Variants in ABCB5 observed in about 807,000 individuals in gnomAD.
ABCB5 encodes the protein ATP-binding cassette sub-family B member 5.
Under a neutral mutation model 144.2 loss-of-function variants are expected in ABCB5, and 155 were observed. The ratio of observed to expected loss-of-function variants is 1.08; its 90% CI spans 0.94 to 1.23. The LOEUF (loss-of-function observed/expected upper bound fraction) is 1.23. ABCB5 is among the 50% of genes most tolerant of loss of function. The probability of loss-of-function intolerance (pLI) is 0.00; values close to 1 mark genes in which losing one functional copy is unlikely to be tolerated. For synonymous variants in ABCB5, 610 were observed against 528.6 expected (o/e 1.15, Z -2.11); for missense variants, 1,830 against 1,520.8 (o/e 1.20, Z -3.38).
intron 4 of ABCB5, among the ~76,000 whole-genome samples, chr7:20,629,210 G>C (rs1783979246): frequency 7.1e-6 from 1 of 140,500 alleles, no homozygotes; most frequent in Non-Finnish European, 1.5e-5. Context: ...TAAAGAATTG[G>C]CTGGCTCACA....
At position 20,658,694 on chromosome 7, in the gene ABCB5, T is replaced by G; in HGVS notation, c.1707+18T>G. On this transcript the variant is annotated intron_variant, in intron 14 of 27. Coordinates refer to ENST00000404938, the MANE Select transcript of ABCB5 (RefSeq NM_001163941.2). ...TGGAGAAGGTAAGTGAGCAGAAACG[T>G]TTCTTATTTCCATACTCCTGGTTCA... 1 of 1,611,746 alleles carries G rather than the reference T, an allele frequency of 6.2e-7. No homozygotes were observed. Among genetic ancestry groups the G allele is most frequent in the Non-Finnish European group, 8.5e-7 (1 of 1,179,174 alleles).
chr7:20,646,078 G>A lies in ABCB5; in HGVS notation c.921G>A (p.Trp307Ter), dbSNP rs2128023773. 6 of 1,613,786 alleles carry A rather than the reference G, an allele frequency of 3.7e-6. No individual in the cohort carries two copies. Among genetic ancestry groups the A allele is most frequent in the Non-Finnish European group, 4.2e-6 (5 of 1,179,768 alleles). Reference protein sequence around the residue: ...FMNGTYGLAFWYGTSLILNGE... With the variant: ...FMNGTYGLAF ...ATGGAACCTATGGACTTGCTTTTTG[G>A]TATGGAACCTCCTTGATTCTTAATG... is the stretch of plus-strand genomic sequence containing the variant. Residue 307 changes from tryptophan (W) to a stop codon, truncating the protein, a stop_gained, in exon 9 of 28, where the codon TGG (tryptophan) becomes TGA (stop). Transcript: ENST00000404938. LOFTEE classifies it high-confidence loss of function.
chr7:20,656,819 A>T (rs1399729307), intron 13 of ABCB5, among the ~76,000 whole-genome samples: 1 of 152,054 alleles, frequency 6.6e-6, no homozygotes, highest in Admixed American at 6.6e-5. Flanking sequence ...TAGCAGCTTT[A>T]TTTATAATAG....
chr7:20,717,217 G>A (rs1026027428), intron 20 of ABCB5, among the ~76,000 whole-genome samples: 1 of 152,156 alleles, frequency 6.6e-6, no homozygotes, highest in African/African-American at 2.4e-5. Flanking sequence ...CAAGGACAGT[G>A]TGTTAGTCAG....
intron 20 of ABCB5, among the ~76,000 whole-genome samples, chr7:20,710,071 AG>A (rs1207479997): frequency 3.4e-5 from 5 of 146,678 alleles, no homozygotes; most frequent in African/African-American, 1.3e-4. Flanking sequence ...AAAAAAAAAA[AG>A]AAAAAAAATA....
chr7:20,716,795 T>A (rs1439421847), intron 20 of ABCB5, among the ~76,000 whole-genome samples: 2 of 152,158 alleles, frequency 1.3e-5, no homozygotes, highest in Non-Finnish European at 2.9e-5. Flanking sequence ...CTGGACAATC[T>A]AGGAGTTCAT....
In ABCB5 at chr7:20,650,096, G is replaced by A. The variant is rs533069931; in HGVS notation, c.1281G>A (p.Lys427=). 3.4e-5 allele frequency: 55 copies of A among 1,613,688 alleles called. No homozygotes were observed. The East Asian group carries it at 1.1e-3, about 32-fold the overall frequency. The part of the protein sequence containing the change: ...VALVGLNGSG[K]STVVQLLQRL... ...TGGTCGGTCTCAATGGCAGTGGGAA[G>A]AGTACGGTAGTCCAGCTTCTGCAGA... The change falls in exon 12 of 28, where the codon AAG becomes AAA. Residue 427 remains lysine, a synonymous_variant. Transcript: ENST00000404938.
At chr7:20,664,932 T>C (rs989724909) in intron 14 of ABCB5, among the ~76,000 whole-genome samples, 2 of 152,220 alleles carry the variant, frequency 1.3e-5, no homozygotes, top group Non-Finnish European at 2.9e-5. Context: ...GTAAATAAAA[T>C]AATAAAATGA....
chr7:20,666,862 A>C (rs367615581), intron 14 of ABCB5: 7 of 1,388,160 alleles, frequency 5.0e-6, no homozygotes, highest in African/African-American at 4.4e-5. Flanking sequence ...TAATCTTTAC[A>C]CTAATTCTGG....
intron 20 of ABCB5, among the ~76,000 whole-genome samples, chr7:20,714,055 T>C (rs1285256364): frequency 6.6e-6 from 1 of 152,196 alleles, no homozygotes; most frequent in East Asian, 1.9e-4. Flanking sequence ...GTTTGCCACC[T>C]CTGCCCGTGG....
At chr7:20,730,937 T>G (rs1782188759) in intron 23 of ABCB5, among the ~76,000 whole-genome samples, 1 of 152,276 alleles carries the variant, frequency 6.6e-6, no homozygotes, top group Non-Finnish European at 1.5e-5. Flanking sequence ...GCAAGCCAAT[T>G]AAACATATTC....
chr7:20,639,920 G>A (rs1038025457), intron 5 of ABCB5, among the ~76,000 whole-genome samples: 15 of 152,094 alleles, frequency 9.9e-5, no homozygotes, highest in Admixed American at 1.3e-4. Context: ...GGATTGCATT[G>A]AATCTATAGA....
rs371459532 is a variant in ABCB5 at position 20,728,389 on chromosome 7, C to T, written c.2801C>T (p.Ala934Val). Residue 934 changes from alanine (A) to valine (V), a missense_variant, in exon 23 of 28, where the codon GCG becomes GTG. Transcript: ENST00000404938. The stretch of plus-strand genomic sequence containing the variant: ...CATGCCTTTATATATTTTGCCTATG[C>T]GGCAGGGTTTCGATTTGGAGCCTAT... ...FSHAFIYFAY[A>V]AGFRFGAYLI... is the part of the protein sequence containing the mutation. 8.1e-6 allele frequency: 13 copies of T among 1,613,998 alleles called. No individual in the cohort carries two copies. The highest frequency in any genetic ancestry group is 4.4e-5 in the South Asian group (4 of 91,090).
chr7:20,732,835 A>T (rs993129102), intron 23 of ABCB5, among the ~76,000 whole-genome samples: 3 of 152,196 alleles, frequency 2.0e-5, no homozygotes, highest in African/African-American at 7.2e-5. Flanking sequence ...TCGAAGAATG[A>T]TACAACCTCA....
At position 20,666,208 on chromosome 7, in the gene ABCB5, A is replaced by G. The variant is rs578113586; in HGVS notation, c.1707+7532A>G. Among the ~76,000 whole-genome samples, 5 of 151,980 alleles carry G rather than the reference A, an allele frequency of 3.3e-5. No individual in the cohort carries two copies. In the East Asian group the frequency reaches 9.7e-4, roughly 29 times the overall value. Reference sequence around the variant, plus strand: ...AAAAAAAGTTGACGATAACAGCACTACATCATGGAGTACATGTCACCGATG... The same window carrying G: ...AAAAAAAGTTGACGATAACAGCACTGCATCATGGAGTACATGTCACCGATG... On this transcript the variant is annotated intron_variant, in intron 14 of 27. Transcript: ENST00000404938.
chr7:20,629,073 C>T (rs540507403), intron 4 of ABCB5, among the ~76,000 whole-genome samples: 14 of 151,440 alleles, frequency 9.2e-5, no homozygotes, highest in African/African-American at 3.4e-4. Context: ...ACAAAATCCC[C>T]TATTAGTCAG....
chr7:20,687,900 T>C (rs750329597), intron 16 of ABCB5, among the ~76,000 whole-genome samples: 1 of 150,452 alleles, frequency 6.6e-6, no homozygotes, highest in African/African-American at 2.5e-5. Flanking sequence ...TAAATAAAAA[T>C]AAAATAAATA....
chr7:20,668,592 G>GC (rs1488404040), intron 14 of ABCB5, among the ~76,000 whole-genome samples: 1 of 141,246 alleles, frequency 7.1e-6, no homozygotes, highest in African/African-American at 3.0e-5. Context: ...GAGGGAGGTG[G>GC]GGGGGGGGGT....
chr7:20,685,330 C>T (rs772022923), intron 15 of ABCB5, among the ~76,000 whole-genome samples: 1 of 152,136 alleles, frequency 6.6e-6, no homozygotes, highest in South Asian at 2.1e-4. Flanking sequence ...ACTACAAGGT[C>T]ATAAGCCCCA....
Sources: allele counts gnomAD v4.1 joint callset (sites outside exome capture counted in the v4.1 genomes callset), GRCh38; gene constraint gnomAD v4.1.1; transcripts MANE v1.5; gene names NCBI Gene and HGNC (gene_info 2026-07-23, HGNC 2026-07-21).